Variants in MARK1 observed in about 807,000 individuals in gnomAD.
MARK1 encodes the protein microtubule affinity regulating kinase 1.
MARK1 carries 40 observed loss-of-function variants against 96.3 expected under a neutral mutation model. The ratio of observed to expected loss-of-function variants is 0.42; its 90% CI spans 0.32 to 0.54. The LOEUF is 0.54. Among genes scored for constraint, MARK1 ranks in the 20% least tolerant of loss-of-function variants. The pLI, the probability that MARK1 is intolerant of heterozygous loss-of-function variation, is 0.16. For synonymous variants in MARK1, 317 were observed against 341.2 expected, an observed-to-expected ratio of 0.93 and a Z score of 0.78; for missense variants, 719 against 984.6, an observed-to-expected ratio of 0.73 and a Z score of 3.61.
chr1:220,660,846 T>C (rs1172784696), intron 17 of MARK1, among the ~76,000 whole-genome samples: 1 of 152,152 alleles, frequency 6.6e-6, no homozygotes, highest in Non-Finnish European at 1.5e-5. Context: ...GTGAATGAAA[T>C]AGACAAAATT....
rs1213128406 is a variant in MARK1, at chr1:220,592,214, T to TATATC, written c.310-6112_310-6108dup. ...GGTGATGGAATTTCACTGTCATGAT[T>TATATC]ATATCATATTATATTATATTATATT... On this transcript the variant is annotated intron_variant, in intron 3 of 17. Transcript: ENST00000366917. Among the ~76,000 whole-genome samples the TATATC allele has an allele frequency of 7.8e-3, 1,017 of 129,988 alleles. 7 individuals carry two copies. Among genetic ancestry groups the TATATC allele is most frequent in the African/African-American group, 0.029 (982 of 34,122 alleles). The allele number at this position is 129,988 out of a possible 152,430, so 85.3% of individuals were successfully genotyped here. A position where few individuals can be genotyped will look rare whatever the true frequency, so the allele number is the denominator to read the frequency against.
chr1:220,659,891 A>G (rs1377199381), intron 17 of MARK1, among the ~76,000 whole-genome samples: 1 of 152,112 alleles, frequency 6.6e-6, no homozygotes, highest in African/African-American at 2.4e-5. Context: ...CCCAGGTTCA[A>G]GCAATTCTGC....
chr1:220,564,982 A>G (rs996039431), intron 1 of MARK1, among the ~76,000 whole-genome samples: 3 of 151,106 alleles, frequency 2.0e-5, no homozygotes, highest in Admixed American at 2.0e-4. Flanking sequence ...TTCCCCTTCT[A>G]TTTTTTCAGA....
At chr1:220,564,877 C>G (rs1199508834) in intron 1 of MARK1, among the ~76,000 whole-genome samples, 1 of 151,494 alleles carries the variant, frequency 6.6e-6, no homozygotes, top group Non-Finnish European at 1.5e-5. Context: ...TTCTTTAAGG[C>G]TGTTTATTCA....
rs576254169 is a variant in MARK1, at chr1:220,538,637, A to ATT, written c.51+9765_51+9766dup. ...TCATTGGTAGCTTGATGGGGATGGCATTGACTCTATAAATTACCTTGGGCA... is the reference window on the plus strand; with the variant it reads ...TCATTGGTAGCTTGATGGGGATGGCATTTTGACTCTATAAATTACCTTGGGCA... On this transcript the variant is annotated intron_variant, in intron 1 of 17. Coordinates refer to ENST00000366917, the MANE Select transcript of MARK1 (RefSeq NM_018650.5). 2.1e-3 allele frequency among the ~76,000 whole-genome samples: 324 copies of ATT among 151,344 alleles called. 3 individuals are homozygous for ATT. Among genetic ancestry groups the ATT allele is most frequent in the African/African-American group, 7.4e-3 (306 of 41,526 alleles).
intron 6 of MARK1, among the ~76,000 whole-genome samples, chr1:220,606,375 G>GT (rs1353334734): frequency 1.3e-5 from 2 of 151,874 alleles, no homozygotes; most frequent in Admixed American, 1.3e-4. Context: ...GGGGTTGTTT[G>GT]TTTTTTTCTT....
intron 1 of MARK1, among the ~76,000 whole-genome samples, chr1:220,530,265 A>G (rs1286006300): frequency 6.6e-6 from 1 of 152,224 alleles, no homozygotes; most frequent in East Asian, 1.9e-4. Context: ...TGCTATCATA[A>G]ATTAGAACTT....
chr1:220,605,017 G>A (rs1665984676), intron 6 of MARK1, among the ~76,000 whole-genome samples: 1 of 152,086 alleles, frequency 6.6e-6, no homozygotes, highest in Non-Finnish European at 1.5e-5. Context: ...AAGAGGTTCT[G>A]TAATCAGTAT....
At chr1:220,568,826 G>C (rs1663239496) in intron 1 of MARK1, among the ~76,000 whole-genome samples, 2 of 152,092 alleles carry the variant, frequency 1.3e-5, no homozygotes, top group Non-Finnish European at 2.9e-5. Context: ...CTTTGTGCTT[G>C]CTTCTGTTTT....
chr1:220,590,826 T>A (rs1664936199), intron 3 of MARK1, among the ~76,000 whole-genome samples: 1 of 152,132 alleles, frequency 6.6e-6, no homozygotes, highest in Non-Finnish European at 1.5e-5. Context: ...CGCTTATGTT[T>A]TTTTCTCTCT....
intron 1 of MARK1, among the ~76,000 whole-genome samples, chr1:220,549,108 C>T (rs1341193321): frequency 1.3e-5 from 2 of 152,092 alleles, no homozygotes; most frequent in African/African-American, 4.8e-5. Context: ...GGTAATTGCC[C>T]TTTGTATACC....
At chr1:220,572,322 A>G (rs949825966) in intron 1 of MARK1, among the ~76,000 whole-genome samples, 3 of 151,784 alleles carry the variant, frequency 2.0e-5, no homozygotes, top group Non-Finnish European at 4.4e-5. Flanking sequence ...GCTCACCACA[A>G]CCTCTGCTTC....
chr1:220,589,332 A>G (rs1282355352), intron 3 of MARK1, among the ~76,000 whole-genome samples: 1 of 152,196 alleles, frequency 6.6e-6, no homozygotes, highest in Non-Finnish European at 1.5e-5. Flanking sequence ...CATCACAAAA[A>G]GAGTGCTAGC....
chr1:220,595,881 TTAA>T (rs1281248267), intron 3 of MARK1, among the ~76,000 whole-genome samples: 5 of 152,204 alleles, frequency 3.3e-5, no homozygotes, highest in Non-Finnish European at 7.3e-5. Context: ...TAAAAATGTC[TTAA>T]TGATGCATCG....
chr1:220,637,469 C>A (rs750800596), intron 13 of MARK1, among the ~76,000 whole-genome samples: 1 of 152,138 alleles, frequency 6.6e-6, no homozygotes, highest in Admixed American at 6.5e-5. Flanking sequence ...CACTTGAGGT[C>A]AGGGGTTTGA....
intron 13 of MARK1, among the ~76,000 whole-genome samples, chr1:220,647,804 ACAC>A (rs1668662512): frequency 6.6e-6 from 1 of 152,224 alleles, no homozygotes; most frequent in African/African-American, 2.4e-5. Flanking sequence ...CAGAAAACCA[ACAC>A]CACATGTTCT....
intron 1 of MARK1, among the ~76,000 whole-genome samples, chr1:220,529,301 T>A (rs920057547): frequency 6.6e-6 from 1 of 152,192 alleles, no homozygotes; most frequent in Admixed American, 6.5e-5. Context: ...TTTCAATCCT[T>A]TGCACTCTCC....
At chr1:220,572,923 T>A (rs1269155287) in intron 1 of MARK1, among the ~76,000 whole-genome samples, 1 of 152,206 alleles carries the variant, frequency 6.6e-6, no homozygotes, top group Non-Finnish European at 1.5e-5. Context: ...GATAATGAAT[T>A]TTGACTTGCA....
At chr1:220,649,165 A>G (rs1172192123) in intron 13 of MARK1, among the ~76,000 whole-genome samples, 1 of 152,148 alleles carries the variant, frequency 6.6e-6, no homozygotes, top group Non-Finnish European at 1.5e-5. Context: ...TGTGTAAGTT[A>G]GTTTCATAAT....
Sources: allele counts gnomAD v4.1 joint callset (sites outside exome capture counted in the v4.1 genomes callset), GRCh38; gene constraint gnomAD v4.1.1; transcripts MANE v1.5; gene names NCBI Gene and HGNC (gene_info 2026-07-23, HGNC 2026-07-21).